Variants in AGTPBP1 observed in about 807,000 individuals in gnomAD.
AGTPBP1 encodes cytosolic carboxypeptidase 1.
Under a neutral mutation model 143.9 loss-of-function variants are expected in AGTPBP1, and 70 were observed. The observed-to-expected ratio is 0.49, with a 90% CI of 0.40 to 0.59. AGTPBP1 has a LOEUF of 0.59. Among genes scored for constraint, AGTPBP1 ranks in the 20% least tolerant of loss-of-function variants. The probability of loss-of-function intolerance (pLI) is 0.00; values close to 1 mark genes in which losing one functional copy is unlikely to be tolerated. For synonymous variants in AGTPBP1, 463 were observed against 500.2 expected, an observed-to-expected ratio of 0.93 and a Z score of 0.99; for missense variants, 1,229 against 1,464.5, an observed-to-expected ratio of 0.84 and a Z score of 2.62.
chr9:85,592,792 A>C (rs1829054860), intron 18 of AGTPBP1, 88 bp from the exon 19 acceptor site: 1 of 1,507,808 alleles, frequency 6.6e-7, no homozygotes, highest in Admixed American at 2.2e-5. Flanking sequence ...ACTTCAGGGA[A>C]AAAAGAAAAA....
At chr9:85,783,577 A>G in the AGTPBP1 span, among the ~76,000 whole-genome samples, 18 of 152,176 alleles carry the variant, frequency 1.2e-4, no homozygotes, top group African/African-American at 4.3e-4. Flanking sequence ...AATGTTTTAC[A>G]TGCTTAATAA....
chr9:85,744,321 G>C (rs1824557702), upstream of AGTPBP1, among the ~76,000 whole-genome samples: 1 of 152,288 alleles, frequency 6.6e-6, no homozygotes, highest in African/African-American at 2.4e-5. Context: ...CACTCACTAT[G>C]TAGTTAATAA....
At chr9:85,571,892 A>G (rs1356727525) in intron 25 of AGTPBP1, among the ~76,000 whole-genome samples, 1 of 152,070 alleles carries the variant, frequency 6.6e-6, no homozygotes, top group Non-Finnish European at 1.5e-5. Context: ...GAATGATAGC[A>G]TGGAGGAAGA....
At chr9:85,775,980 C>A in the AGTPBP1 span, among the ~76,000 whole-genome samples, 284 of 152,278 alleles carry the variant, frequency 1.9e-3, 3 homozygotes, top group Non-Finnish European at 2.0e-3. Flanking sequence ...TCGGTATTTA[C>A]CGTCACAAGT....
At chr9:85,628,738 G>C (rs989151430) in intron 14 of AGTPBP1, among the ~76,000 whole-genome samples, 1 of 152,114 alleles carries the variant, frequency 6.6e-6, no homozygotes, top group Non-Finnish European at 1.5e-5. Flanking sequence ...TTTTGAGATG[G>C]AGTCTCACTC....
the AGTPBP1 span, among the ~76,000 whole-genome samples, chr9:85,769,420 G>A: frequency 7.9e-5 from 12 of 151,396 alleles, no homozygotes; most frequent in African/African-American, 2.9e-4. Flanking sequence ...GCATGGTGGC[G>A]TGTGCCTGTA....
At chr9:85,728,074 C>CAT (rs1838635741) in intron 1 of AGTPBP1, among the ~76,000 whole-genome samples, 1 of 141,402 alleles carries the variant, frequency 7.1e-6, no homozygotes, top group African/African-American at 2.8e-5. Context: ...CACACACACA[C>CAT]ACATATTTAC....
intron 14 of AGTPBP1, among the ~76,000 whole-genome samples, chr9:85,626,831 G>A (rs916965073): frequency 2.0e-5 from 3 of 152,162 alleles, no homozygotes; most frequent in African/African-American, 7.2e-5. Flanking sequence ...ACACGAATAT[G>A]AATTTCATAT....
chr9:85,648,681 G>A (rs1051654840), intron 11 of AGTPBP1, among the ~76,000 whole-genome samples: 6 of 151,920 alleles, frequency 3.9e-5, no homozygotes, highest in African/African-American at 1.2e-4. Flanking sequence ...GCGTGGTGGC[G>A]GGCACGTGTA....
chr9:85,663,043 C>T (rs1833934105), intron 8 of AGTPBP1, among the ~76,000 whole-genome samples: 1 of 152,138 alleles, frequency 6.6e-6, no homozygotes, highest in Non-Finnish European at 1.5e-5. Context: ...GAGACAGAAC[C>T]TAGGTGGAGT....
intron 11 of AGTPBP1, among the ~76,000 whole-genome samples, chr9:85,648,843 C>A (rs1832978369): frequency 6.6e-6 from 1 of 151,992 alleles, no homozygotes; most frequent in African/African-American, 2.4e-5. Flanking sequence ...AATCCTATTG[C>A]AAGTAGGAAA....
At chr9:85,792,610 C>G in the AGTPBP1 span, among the ~76,000 whole-genome samples, 1 of 152,144 alleles carries the variant, frequency 6.6e-6, no homozygotes, top group Non-Finnish European at 1.5e-5. Context: ...TTTTCTAAAC[C>G]AAACAGCCTT....
At chr9:85,618,084 A>G (rs928022172) in intron 17 of AGTPBP1, among the ~76,000 whole-genome samples, 10 of 152,118 alleles carry the variant, frequency 6.6e-5, no homozygotes, top group African/African-American at 2.4e-4. Context: ...TACTAAAAGT[A>G]CAAAAATTAT....
chr9:85,745,575 G>T (rs1256919392), upstream of AGTPBP1, among the ~76,000 whole-genome samples: 1 of 152,230 alleles, frequency 6.6e-6, no homozygotes, highest in African/African-American at 2.4e-5. Context: ...AATGAATGCG[G>T]CAAAACTGGG....
intron 1 of AGTPBP1, among the ~76,000 whole-genome samples, chr9:85,736,551 C>T (rs1002571427): frequency 6.6e-6 from 1 of 152,062 alleles, no homozygotes; most frequent in Admixed American, 6.6e-5. Context: ...TTTAATAAGA[C>T]CTTTACCTTT....
intron 6 of AGTPBP1, among the ~76,000 whole-genome samples, chr9:85,674,016 T>C (rs937426409): frequency 1.3e-4 from 19 of 149,514 alleles, no homozygotes; most frequent in Non-Finnish European, 1.6e-4. Flanking sequence ...CCAACTACTC[T>C]GGAGGCTGAG....
intron 2 of AGTPBP1, among the ~76,000 whole-genome samples, chr9:85,697,344 T>C (rs903790337): frequency 6.6e-6 from 1 of 152,048 alleles, no homozygotes; most frequent in Non-Finnish European, 1.5e-5. Context: ...ACCATAGTTA[T>C]TTTTAATGCA....
At chr9:85,621,427 T>A (rs1242834408) in intron 14 of AGTPBP1, 142 bp from the exon 15 acceptor site, 1 of 368,230 alleles carries the variant, frequency 2.7e-6, no homozygotes, top group Non-Finnish European at 4.7e-6. Flanking sequence ...ATATTTTGCA[T>A]ACAAAAAAAC....
rs1828644440 is a variant in AGTPBP1, at chr9:85,586,858, G to A, written c.3006C>T (p.Tyr1002=). 1 of 1,613,786 alleles carries A rather than the reference G, an allele frequency of 6.2e-7. No homozygotes were observed. Among genetic ancestry groups the A allele is most frequent in the Non-Finnish European group, 8.5e-7 (1 of 1,179,886 alleles). ...AGGGTAAACGCTTCACTGCAGCCAAGTATTGCAACAGCCCCTTAGCATGGT... is the reference window on the plus strand; with the variant it reads ...AGGGTAAACGCTTCACTGCAGCCAAATATTGCAACAGCCCCTTAGCATGGT... ...TIYHAKGLLQ[Y]LAAVKRLPLV... is the part of the protein sequence containing the mutation. Residue 1002 remains tyrosine, a synonymous_variant, in exon 22 of 26, where the codon TAC becomes TAT. Transcript: ENST00000357081.
Sources: allele counts gnomAD v4.1 joint callset (sites outside exome capture counted in the v4.1 genomes callset), GRCh38; gene constraint gnomAD v4.1.1; transcripts MANE v1.5; gene names NCBI Gene and HGNC (gene_info 2026-07-23, HGNC 2026-07-21).